SYN1: variants seen among roughly 807,000 people sequenced by gnomAD.
The protein encoded by SYN1 is synapsin I, also known as synapsin-1.
SYN1 carries 8 observed loss-of-function variants against 44.6 expected under a neutral mutation model. That is an observed-to-expected ratio of 0.18 (90% confidence interval 0.11 to 0.32). The LOEUF (loss-of-function observed/expected upper bound fraction) is 0.32. SYN1 is among the 10% of genes least tolerant of loss of function. SYN1 has a pLI of 1.00. For synonymous variants in SYN1, 275 were observed against 280.1 expected (o/e 0.98, Z 0.18); for missense variants, 451 against 639.4 (o/e 0.71, Z 3.18).
chrX:47,583,181 A>T (rs1424809606), intron 5 of SYN1, among the ~76,000 whole-genome samples: 1 of 77,077 alleles, frequency 1.3e-5, no homozygotes, highest in East Asian at 4.6e-4. Context: ...ATAACCCCGC[A>T]ACTCACTCAG....
chrX:47,575,271 C>G lies in SYN1; in HGVS notation c.1162G>C (p.Val388Leu). ...CCAATGAGCGGCATGGAGGAACCCA[C>G]CACCTGGGGGAAGGAAAGGATCCGT... ...KDGRDHIIEV[V>L]GSSMPLIGDH... Residue 388 changes from valine to leucine, a missense_variant, in exon 10 of 13, where the codon GTG becomes CTG. Val to Leu is a conservative substitution (Grantham distance 32, BLOSUM62 1). Around this residue, in one of 3 missense-constraint regions of SYN1, gnomAD observed 315 missense variants for 451.4 expected, o/e 0.70. Coordinates refer to ENST00000295987, the MANE Select transcript of SYN1 (RefSeq NM_006950.3). 1 of 1,210,375 alleles carries G rather than the reference C, an allele frequency of 8.3e-7. No homozygotes were observed. Among genetic ancestry groups the G allele is most frequent in the Non-Finnish European group, 1.1e-6 (1 of 894,631 alleles).
rs748152337 is a variant in SYN1, at chrX:47,574,194, G to A, written c.1790C>T (p.Pro597Leu). The change falls in exon 12 of 13, where the codon CCA (proline) becomes CTA (leucine). Residue 597 changes from proline to leucine, a missense_variant. Physicochemically the swap from Pro to Leu is moderately conservative, Grantham distance 98. Transcript: ENST00000295987. ...GCTGGCCTGGCGTGTGGGGCCGGCTGGGCCTGGGGGTTTCTGGGGCGGGCC... is the reference window on the plus strand; with the variant it reads ...GCTGGCCTGGCGTGTGGGGCCGGCTAGGCCTGGGGGTTTCTGGGGCGGGCC... ...RQGPPQKPPG[P>L]AGPTRQASQA... 6.6e-6 allele frequency: 7 copies of A among 1,057,842 alleles called. No individual in the cohort carries two copies. In the South Asian group the frequency reaches 1.8e-4, roughly 27 times the overall value. The allele number at this position is 1,057,842 out of a possible 1,213,427, so 87.2% of individuals were successfully genotyped here. A position where few individuals can be genotyped will look rare whatever the true frequency, so the allele number is the denominator to read the frequency against.
intron 5 of SYN1, among the ~76,000 whole-genome samples, chrX:47,593,807 G>A (rs981187545): frequency 7.1e-5 from 8 of 112,002 alleles, no homozygotes; most frequent in Admixed American, 2.8e-4. Context: ...TAATGGGGTC[G>A]ATTTTGGTAA....
At chrX:47,595,739 G>A (rs963400745) in intron 5 of SYN1, among the ~76,000 whole-genome samples, 1 of 111,745 alleles carries the variant, frequency 8.9e-6, no homozygotes. Context: ...AGTAAATCTA[G>A]TTCCCAGATC....
intron 1 of SYN1, among the ~76,000 whole-genome samples, chrX:47,613,038 C>G (rs1368944971): frequency 4.8e-5 from 5 of 104,438 alleles, no homozygotes; most frequent in Non-Finnish European, 9.6e-5. Flanking sequence ...GAGGCTGAGG[C>G]AGGGGAATTG....
At chrX:47,613,996 G>A (rs2057924208) in intron 1 of SYN1, among the ~76,000 whole-genome samples, 1 of 112,193 alleles carries the variant, frequency 8.9e-6, no homozygotes, top group Non-Finnish European at 1.9e-5. Flanking sequence ...TGTGCTTCCT[G>A]TTCCCTCAGG....
chrX:47,608,279 GAA>G (rs1569331333), intron 1 of SYN1, among the ~76,000 whole-genome samples: 855 of 10,018 alleles, frequency 0.085, 28 homozygotes, highest in African/African-American at 0.21. Flanking sequence ...AGGAAGGAAG[GAA>G]GGAAGGAAGG....
chrX:47,593,392 C>T (rs752157198), intron 5 of SYN1, among the ~76,000 whole-genome samples: 7 of 108,405 alleles, frequency 6.5e-5, no homozygotes, highest in East Asian at 2.9e-4. Flanking sequence ...CCTCAGCCTC[C>T]GGAGTAGCTG....
At chrX:47,584,258 G>T (rs985287788) in intron 5 of SYN1, among the ~76,000 whole-genome samples, 2 of 107,973 alleles carry the variant, frequency 1.9e-5, no homozygotes, top group African/African-American at 6.8e-5. Flanking sequence ...GGATGATCAG[G>T]TATTGAGGAT....
chrX:47,617,786 AGG>A (rs1466493469), intron 1 of SYN1, among the ~76,000 whole-genome samples: 17 of 112,571 alleles, frequency 1.5e-4, no homozygotes, highest in African/African-American at 4.8e-4. Flanking sequence ...ATAAATGCTC[AGG>A]GGAGCCATTG....
intron 3 of SYN1, among the ~76,000 whole-genome samples, 194 bp downstream of exon 3, chrX:47,606,751 A>ATATTTTTT (rs1345170011): frequency 5.5e-4 from 51 of 93,239 alleles, no homozygotes; most frequent in African/African-American, 1.9e-3. Flanking sequence ...ATATATATAT[A>ATATTTTTT]TTTTTTTTTA....
rs1482229221 is a variant in SYN1 at position 47,607,022 on chromosome X, A to C, written c.450T>G (p.Asp150Glu). Residue 150 changes from aspartate (D) to glutamate (E), a missense_variant, in exon 3 of 13, where the codon GAT (aspartate) becomes GAG (glutamate). Asp to Glu is a conservative substitution (Grantham distance 45). Around this residue, in one of 3 missense-constraint regions of SYN1, gnomAD observed 315 missense variants for 451.4 expected, o/e 0.70. Transcript: ENST00000295987. The stretch of plus-strand genomic sequence containing the variant: ...CATTGGCATGGGCCACAAGGTTGAG[A>C]TCAGAGAATTCGGCCTGGGAAGGAG... ...DIKVEQAEFSDLNLVAHANGG... is the reference protein window; with the variant it reads ...DIKVEQAEFSELNLVAHANGG... 3 of 1,211,580 alleles carry C rather than the reference A, an allele frequency of 2.5e-6. No homozygotes were observed. The highest frequency in any genetic ancestry group is 3.4e-6 in the Non-Finnish European group (3 of 895,404).
intron 5 of SYN1, chrX:47,584,957 G>A (rs1311258070): frequency 8.3e-7 from 1 of 1,208,890 alleles, no homozygotes; most frequent in Non-Finnish European, 1.1e-6. Flanking sequence ...AAGTTCGTGG[G>A]GACACCAGAA....
intron 5 of SYN1, among the ~76,000 whole-genome samples, chrX:47,599,576 A>G (rs1254255010): frequency 2.7e-5 from 3 of 112,849 alleles, no homozygotes; most frequent in African/African-American, 9.7e-5. Flanking sequence ...ATTTTCAATG[A>G]TTGAGAATTA....
At position 47,576,025 on chromosome X, in the gene SYN1, A is replaced by G. The variant is rs2057776435; in HGVS notation, c.1158+106T>C. On this transcript the variant is annotated intron_variant, in intron 9 of 12. Coordinates refer to ENST00000295987, the MANE Select transcript of SYN1 (RefSeq NM_006950.3). ...AGGCACCTTACAGTGTACTAAGCAC[A>G]TTGCTGTTGGCTGAGGACCTCTGTG... 29 of 831,978 alleles carry G rather than the reference A, an allele frequency of 3.5e-5. No homozygotes were observed. The East Asian group carries it at 6.5e-4, about 19-fold the overall frequency. The allele number at this position is 831,978 out of a possible 1,213,427, so 68.6% of individuals were successfully genotyped here.
intron 1 of SYN1, among the ~76,000 whole-genome samples, chrX:47,608,220 G>A (rs1452466268): frequency 1.7e-5 from 1 of 59,030 alleles, no homozygotes; most frequent in Non-Finnish European, 3.2e-5. Context: ...AAGAAATAAA[G>A]AGAAAGGAAG....
intron 1 of SYN1, among the ~76,000 whole-genome samples, chrX:47,615,769 G>C (rs1235050585): frequency 9.0e-6 from 1 of 111,443 alleles, no homozygotes; most frequent in African/African-American, 3.3e-5. Flanking sequence ...GCCAGGCATA[G>C]TGGCATGTGC....
At chrX:47,593,915 T>A (rs772038267) in intron 5 of SYN1, among the ~76,000 whole-genome samples, 1 of 112,136 alleles carries the variant, frequency 8.9e-6, no homozygotes, top group South Asian at 3.7e-4. Flanking sequence ...CACGCTAACG[T>A]CTTACATTTA....
Position 47,572,722 on chromosome X carries a change from G to T in SYN1, c.*142C>A. 1.1e-6 allele frequency: 1 copy of T among 921,280 alleles called. No homozygotes were observed. The highest frequency in any genetic ancestry group is 1.5e-6 in the Non-Finnish European group (1 of 655,347). The allele number at this position is 921,280 out of a possible 1,213,427, so 75.9% of individuals were successfully genotyped here. The stretch of plus-strand genomic sequence containing the variant: ...AGGAGTCAGGTTTCTCAAGGTACTC[G>T]GGGATCTTGAGGAATGAGAGGTGGA... On this transcript the variant is annotated 3_prime_UTR_variant, in exon 13 of 13. Transcript: ENST00000295987.
Sources: allele counts gnomAD v4.1 joint callset (sites outside exome capture counted in the v4.1 genomes callset), GRCh38; gene constraint gnomAD v4.1.1; regional missense constraint gnomAD v4.1.1; transcripts MANE v1.5; gene names NCBI Gene and HGNC (gene_info 2026-07-23, HGNC 2026-07-21).